KCTD16: variants seen among roughly 807,000 people sequenced by gnomAD.
KCTD16 encodes the protein BTB/POZ domain-containing protein KCTD16.
In KCTD16, 13 loss-of-function variants were observed where a neutral mutation model predicts 33.2. The observed-to-expected ratio is 0.39, with a 90% CI of 0.25 to 0.62. KCTD16 has a LOEUF of 0.62. KCTD16 is among the 20% of genes least tolerant of loss of function. KCTD16 has a pLI of 0.50. For missense variants in KCTD16, 441 were observed against 525.1 expected, an observed-to-expected ratio of 0.84 and a Z score of 1.57; for synonymous variants, 197 against 195.3, an observed-to-expected ratio of 1.01 and a Z score of -0.07.
intron 3 of KCTD16, among the ~76,000 whole-genome samples, chr5:144,463,906 T>A (rs529994118): frequency 1.3e-5 from 2 of 152,304 alleles, no homozygotes; most frequent in South Asian, 4.1e-4. Flanking sequence ...AAATATTTGG[T>A]TAGCTCAATC....
rs547149588 is a variant in KCTD16 at position 144,400,602 on chromosome 5, C to G, written c.833-73058C>G. 4.6e-5 allele frequency among the ~76,000 whole-genome samples: 7 copies of G among 152,224 alleles called. No homozygotes were observed. In the South Asian group the frequency reaches 1.5e-3, roughly 32 times the overall value. ...GACCTTAGAAATTACTCCTTCAACA[C>G]CATCTATGTGCCAGGCACTGTTTTA... On this transcript the variant is annotated intron_variant, in intron 3 of 3. Coordinates refer to ENST00000512467, the MANE Select transcript of KCTD16 (RefSeq NM_020768.4).
intron 3 of KCTD16, among the ~76,000 whole-genome samples, chr5:144,297,618 A>T (rs1408452377): frequency 6.6e-6 from 1 of 152,214 alleles, no homozygotes; most frequent in Non-Finnish European, 1.5e-5. Context: ...CTAGGCTAAG[A>T]ATCCCTAAGC....
chr5:144,266,487 A>G (rs1008373545), intron 3 of KCTD16, among the ~76,000 whole-genome samples: 3 of 152,230 alleles, frequency 2.0e-5, no homozygotes, highest in African/African-American at 7.2e-5. Flanking sequence ...GTTTCCTGCA[A>G]CTTTATAAAT....
At chr5:144,392,333 G>A (rs1322401345) in intron 3 of KCTD16, among the ~76,000 whole-genome samples, 1 of 152,170 alleles carries the variant, frequency 6.6e-6, no homozygotes, top group African/African-American at 2.4e-5. Context: ...ATAGTGAGTA[G>A]AAGGATCTGA....
chr5:144,360,347 G>A (rs765069977), intron 3 of KCTD16, among the ~76,000 whole-genome samples: 13 of 151,918 alleles, frequency 8.6e-5, no homozygotes, highest in African/African-American at 1.7e-4. Context: ...GAGAACATGC[G>A]GTGTTTGATT....
Position 144,482,523 on chromosome 5 carries a change from T to G in KCTD16, c.*8409T>G, listed in dbSNP as rs897112778. 2.0e-5 allele frequency: 3 copies of G among 151,892 alleles called. No homozygotes were observed. Among genetic ancestry groups the G allele is most frequent in the Non-Finnish European group, 4.4e-5 (3 of 67,908 alleles). 9.4% of individuals were successfully genotyped at this position (151,892 alleles called of 1,614,324 possible). On this transcript the variant is annotated 3_prime_UTR_variant, in exon 4 of 4. Transcript: ENST00000512467. ...CATGAGTGTATCTAGGTATCTGCTA[T>G]TTTCATCTTTTGGCTTGTTAAACAG...
intron 3 of KCTD16, among the ~76,000 whole-genome samples, chr5:144,442,684 C>A (rs1753739442): frequency 6.6e-6 from 1 of 151,874 alleles, no homozygotes; most frequent in Non-Finnish European, 1.5e-5. Flanking sequence ...TCATTCTTCA[C>A]CAAGATCTCC....
intron 3 of KCTD16, among the ~76,000 whole-genome samples, chr5:144,440,955 G>T (rs1169837696): frequency 7.3e-6 from 1 of 137,710 alleles, no homozygotes; most frequent in Non-Finnish European, 1.5e-5. Context: ...TGTTCTCATT[G>T]TTCAGTTACC....
At chr5:144,253,603 CAT>C (rs1284483454) in intron 3 of KCTD16, among the ~76,000 whole-genome samples, 19 of 152,264 alleles carry the variant, frequency 1.2e-4, no homozygotes, top group African/African-American at 3.9e-4. Context: ...TTGGTGCAGA[CAT>C]GTGTCTATAG....
At chr5:144,286,927 G>A (rs1755761825) in intron 3 of KCTD16, among the ~76,000 whole-genome samples, 1 of 152,132 alleles carries the variant, frequency 6.6e-6, no homozygotes, top group Non-Finnish European at 1.5e-5. Flanking sequence ...CTATGTACCA[G>A]GTATGATTCT....
At chr5:144,257,090 G>A (rs963077532) in intron 3 of KCTD16, among the ~76,000 whole-genome samples, 4 of 152,066 alleles carry the variant, frequency 2.6e-5, no homozygotes, top group African/African-American at 9.7e-5. Context: ...CTTTATATTT[G>A]AATTACTTAT....
chr5:144,448,227 A>G (rs1469123992), intron 3 of KCTD16, among the ~76,000 whole-genome samples: 1 of 152,240 alleles, frequency 6.6e-6, no homozygotes, highest in East Asian at 1.9e-4. Flanking sequence ...TCACCCTATT[A>G]TATGAAGGTA....
At chr5:144,181,782 T>G (rs1425734224) in intron 2 of KCTD16, among the ~76,000 whole-genome samples, 1 of 152,128 alleles carries the variant, frequency 6.6e-6, no homozygotes, top group African/African-American at 2.4e-5. Flanking sequence ...GTAACAGTAT[T>G]AAGAGGTGAG....
rs1754688753 is a variant in KCTD16, at chr5:144,480,707, CAATT to C, written c.*6597_*6600del. 1 of 151,824 alleles carries C rather than the reference CAATT, an allele frequency of 6.6e-6. No individual in the cohort carries two copies. Among genetic ancestry groups the C allele is most frequent in the Non-Finnish European group, 1.5e-5 (1 of 67,924 alleles). 9.4% of individuals were successfully genotyped at this position (151,824 alleles called of 1,614,324 possible). The stretch of plus-strand genomic sequence containing the variant: ...TTCATGATTTGAGGGGTGCTACTGA[CAATT>C]AATGGGTATAGGCCAGAGATGCTGC... On this transcript the variant is annotated 3_prime_UTR_variant, in exon 4 of 4. Transcript: ENST00000512467.
At chr5:144,421,065 GTTTTCCCAGACC>G (rs1397129792) in intron 3 of KCTD16, among the ~76,000 whole-genome samples, 3 of 152,104 alleles carry the variant, frequency 2.0e-5, no homozygotes, top group African/African-American at 7.2e-5. Flanking sequence ...TTGTTATTCT[GTTTTCCCAGACC>G]TTTTCCCAGC....
chr5:144,315,984 C>G (rs1751900649), intron 3 of KCTD16, among the ~76,000 whole-genome samples: 1 of 151,054 alleles, frequency 6.6e-6, no homozygotes, highest in Non-Finnish European at 1.5e-5. Flanking sequence ...ATAAATTCTT[C>G]AAAGCCTTTT....
At chr5:144,349,618 T>C (rs918730654) in intron 3 of KCTD16, among the ~76,000 whole-genome samples, 1 of 152,198 alleles carries the variant, frequency 6.6e-6, no homozygotes, top group Non-Finnish European at 1.5e-5. Flanking sequence ...ACCTCCAGAC[T>C]TAGCCTAGAA....
chr5:144,423,759 A>G (rs1475699385), intron 3 of KCTD16, among the ~76,000 whole-genome samples: 2 of 152,164 alleles, frequency 1.3e-5, no homozygotes, highest in African/African-American at 4.8e-5. Flanking sequence ...AATGAACAGG[A>G]TTCACTGAGA....
chr5:144,348,677 A>G (rs1257354078), intron 3 of KCTD16, among the ~76,000 whole-genome samples: 1 of 152,240 alleles, frequency 6.6e-6, no homozygotes, highest in Non-Finnish European at 1.5e-5. Context: ...AATAATTAAG[A>G]ACATGCTTTG....
Sources: allele counts gnomAD v4.1 joint callset (sites outside exome capture counted in the v4.1 genomes callset), GRCh38; gene constraint gnomAD v4.1.1; transcripts MANE v1.5; gene names NCBI Gene and HGNC (gene_info 2026-07-23, HGNC 2026-07-21).